CNTNAP2: variants seen among roughly 807,000 people sequenced by gnomAD.
The protein encoded by CNTNAP2 is contactin associated protein 2.
A neutral mutation model predicts 155.2 loss-of-function variants in CNTNAP2; 98 were observed. The observed-to-expected ratio is 0.63, with a 90% confidence interval of 0.54 to 0.75. The LOEUF (loss-of-function observed/expected upper bound fraction) is 0.75, where lower values mean the gene tolerates loss of function less well. Ranked by LOEUF, CNTNAP2 falls within the 30% of genes least tolerant of loss-of-function variation. CNTNAP2 has a pLI of 0.00. For synonymous variants in CNTNAP2, 651 were observed against 631.2 expected (o/e 1.03, Z -0.47); for missense variants, 1,727 against 1,688.1 (o/e 1.02, Z -0.40).
chr7:147,529,807 A>G (rs903198208), intron 11 of CNTNAP2, among the ~76,000 whole-genome samples: 5 of 152,226 alleles, frequency 3.3e-5, no homozygotes, highest in African/African-American at 7.2e-5. Context: ...CCGGATAAAA[A>G]GATTTTTTTC....
chr7:146,227,946 C>G (rs1343564864), intron 1 of CNTNAP2, among the ~76,000 whole-genome samples: 1 of 152,168 alleles, frequency 6.6e-6, no homozygotes, highest in Non-Finnish European at 1.5e-5. Context: ...AATTGCTACC[C>G]ATGGTAACAG....
intron 11 of CNTNAP2, chr7:147,497,080 T>G (rs557255001): frequency 3.0e-4 from 45 of 152,250 alleles, no homozygotes; most frequent in Admixed American, 5.2e-4. Context: ...TTTTGGGGTA[T>G]TCTCTCATCT....
intron 3 of CNTNAP2, among the ~76,000 whole-genome samples, chr7:146,907,275 G>A (rs1233480461): frequency 2.5e-4 from 37 of 145,750 alleles, no homozygotes; most frequent in African/African-American, 5.6e-4. Flanking sequence ...GCAGGCCAAC[G>A]TTCAGATTCA....
At chr7:148,194,136 A>AGT (rs5888309) in intron 18 of CNTNAP2, among the ~76,000 whole-genome samples, 13,087 of 141,442 alleles carry the variant, frequency 0.093, 697 homozygotes, top group East Asian at 0.16. Context: ...ATGCCTGGCT[A>AGT]GTGTGTGTGT....
intron 3 of CNTNAP2, among the ~76,000 whole-genome samples, chr7:146,913,295 A>G (rs946004226): frequency 1.1e-4 from 16 of 152,154 alleles, no homozygotes; most frequent in Admixed American, 1.0e-3. Flanking sequence ...AGGCTGCAAC[A>G]TTGGTGCCTT....
intron 10 of CNTNAP2, among the ~76,000 whole-genome samples, chr7:147,442,057 G>A (rs534747776): frequency 1.3e-5 from 2 of 152,178 alleles, no homozygotes; most frequent in Admixed American, 1.3e-4. Flanking sequence ...TCAGCAGGGG[G>A]CAAAACCATC....
At chr7:147,485,747 A>C (rs953402080) in intron 10 of CNTNAP2, among the ~76,000 whole-genome samples, 188 bp from the exon 11 acceptor site, 1 of 152,208 alleles carries the variant, frequency 6.6e-6, no homozygotes, top group Non-Finnish European at 1.5e-5. Flanking sequence ...TCGGTGATAC[A>C]TCATCTTTGT....
At chr7:146,547,921 A>G (rs554312963) in intron 1 of CNTNAP2, among the ~76,000 whole-genome samples, 1 of 151,588 alleles carries the variant, frequency 6.6e-6, no homozygotes, top group South Asian at 2.1e-4. Flanking sequence ...AATACCATGC[A>G]TGGGCTCCAT....
chr7:147,264,245 G>A (rs1212830953), intron 8 of CNTNAP2, among the ~76,000 whole-genome samples: 1 of 152,174 alleles, frequency 6.6e-6, no homozygotes, highest in Non-Finnish European at 1.5e-5. Flanking sequence ...GTTGTGATAT[G>A]AGTCTCTCAA....
chr7:146,876,619 A>G (rs1795434054), intron 3 of CNTNAP2, among the ~76,000 whole-genome samples: 1 of 152,118 alleles, frequency 6.6e-6, no homozygotes, highest in Non-Finnish European at 1.5e-5. Flanking sequence ...AAACCCTTAC[A>G]TTTGTGCCAG....
chr7:147,168,666 A>G (rs1164714522), intron 8 of CNTNAP2, among the ~76,000 whole-genome samples: 4 of 152,154 alleles, frequency 2.6e-5, no homozygotes, highest in Non-Finnish European at 4.4e-5. Context: ...TTCCATTGCT[A>G]TCATATTAGG....
At chr7:148,142,789 A>C (rs1447183797) in intron 16 of CNTNAP2, among the ~76,000 whole-genome samples, 1 of 152,236 alleles carries the variant, frequency 6.6e-6, no homozygotes, top group Admixed American at 6.5e-5. Context: ...TTTATCGCTC[A>C]ATATACTAAG....
intron 15 of CNTNAP2, among the ~76,000 whole-genome samples, chr7:148,032,677 C>T (rs77409264): frequency 0.041 from 6,215 of 152,224 alleles, 164 homozygotes; most frequent in South Asian, 0.11. Flanking sequence ...TTCTGATCAA[C>T]AGCAGCCAAC....
At chr7:146,151,680 A>ATG (rs1429138795) in intron 1 of CNTNAP2, among the ~76,000 whole-genome samples, 2 of 35,530 alleles carry the variant, frequency 5.6e-5, no homozygotes, top group Non-Finnish European at 1.0e-4. Context: ...ATATATATAT[A>ATG]TGTATATATA....
intron 20 of CNTNAP2, among the ~76,000 whole-genome samples, chr7:148,261,444 C>T (rs984423806): frequency 1.3e-5 from 2 of 152,230 alleles, no homozygotes; most frequent in Admixed American, 1.3e-4. Context: ...TAGGCGTGAG[C>T]CACCACGCCC....
intron 16 of CNTNAP2, among the ~76,000 whole-genome samples, chr7:148,135,133 A>G (rs1804909836): frequency 6.6e-6 from 1 of 152,226 alleles, no homozygotes; most frequent in South Asian, 2.1e-4. Context: ...ATATTTAGAA[A>G]GAAAACCCAA....
intron 4 of CNTNAP2, among the ~76,000 whole-genome samples, chr7:147,063,935 G>A (rs569337803): frequency 3.6e-4 from 55 of 152,172 alleles, no homozygotes; most frequent in African/African-American, 1.3e-3. Flanking sequence ...GGAGAGTAAG[G>A]ATATGTAAGT....
intron 1 of CNTNAP2, among the ~76,000 whole-genome samples, chr7:146,712,683 G>T (rs1431370326): frequency 2.7e-5 from 4 of 150,628 alleles, no homozygotes; most frequent in African/African-American, 9.8e-5. Context: ...TTTAGTTTAA[G>T]ATAAAATAAA....
At chr7:147,588,258 T>C (rs1226897152) in intron 12 of CNTNAP2, among the ~76,000 whole-genome samples, 1 of 152,116 alleles carries the variant, frequency 6.6e-6, no homozygotes, top group East Asian at 1.9e-4. Flanking sequence ...TGGATATATT[T>C]GGACCCTCCT....
Sources: allele counts gnomAD v4.1 joint callset (sites outside exome capture counted in the v4.1 genomes callset), GRCh38; gene constraint gnomAD v4.1.1; transcripts MANE v1.5; gene names NCBI Gene and HGNC (gene_info 2026-07-23, HGNC 2026-07-21).